Variants in MAST2 observed in about 807,000 individuals in gnomAD.
MAST2 encodes microtubule associated serine/threonine kinase 2.
MAST2 carries 70 observed loss-of-function variants against 147.4 expected under a neutral mutation model. That is an observed-to-expected ratio of 0.47 (90% CI 0.39 to 0.58). The LOEUF (loss-of-function observed/expected upper bound fraction) is 0.58, where lower values mean the gene tolerates loss of function less well. MAST2 is among the 20% of genes least tolerant of loss of function. The pLI is 0.00. For synonymous variants in MAST2, 869 were observed against 896.8 expected, an observed-to-expected ratio of 0.97 and a Z score of 0.55; for missense variants, 2,080 against 2,302.3, an observed-to-expected ratio of 0.90 and a Z score of 1.98.
At chr1:45,989,059 A>G (rs1644759773) in intron 5 of MAST2, among the ~76,000 whole-genome samples, 2 of 152,316 alleles carry the variant, frequency 1.3e-5, no homozygotes, top group East Asian at 3.9e-4. Context: ...CTGATTGACC[A>G]AAGACATATA....
chr1:45,821,518 T>C (rs4130796), intron 1 of MAST2, among the ~76,000 whole-genome samples: 15 of 46,642 alleles, frequency 3.2e-4, no homozygotes, highest in East Asian at 1.0e-3. Flanking sequence ...ATTTCTTCTT[T>C]TTTTTTTTTT....
chr1:45,946,640 C>T (rs1658074214), intron 4 of MAST2, among the ~76,000 whole-genome samples: 1 of 152,138 alleles, frequency 6.6e-6, no homozygotes, highest in Non-Finnish European at 1.5e-5. Context: ...CTGAATTATG[C>T]TTCCTTTGCA....
chr1:45,905,382 T>G (rs1011507704), intron 4 of MAST2, among the ~76,000 whole-genome samples: 5 of 152,078 alleles, frequency 3.3e-5, no homozygotes, highest in South Asian at 2.1e-4. Flanking sequence ...AGACTGGATT[T>G]CACCATGTTT....
At chr1:45,972,839 C>G (rs946139828) in intron 5 of MAST2, among the ~76,000 whole-genome samples, 1 of 152,146 alleles carries the variant, frequency 6.6e-6, no homozygotes, top group African/African-American at 2.4e-5. Context: ...ATTCTTTCTT[C>G]TTCCTGTTCT....
intron 7 of MAST2, among the ~76,000 whole-genome samples, chr1:46,003,764 GC>G: frequency 6.6e-6 from 1 of 152,176 alleles, no homozygotes; most frequent in Non-Finnish European, 1.5e-5. Flanking sequence ...GCCACACCCA[GC>G]CGAGCAACTT....
intron 1 of MAST2, among the ~76,000 whole-genome samples, chr1:45,808,487 G>A (rs930959269): frequency 6.6e-6 from 1 of 152,130 alleles, no homozygotes. Context: ...AGGATTACAG[G>A]CGTGAGCCAC....
intron 4 of MAST2, among the ~76,000 whole-genome samples, chr1:45,947,306 TAAAAAAAAA>T (rs55827908): frequency 8.9e-6 from 1 of 112,670 alleles, no homozygotes; most frequent in Non-Finnish European, 1.8e-5. Context: ...TGATGAGCTT[TAAAAAAAAA>T]AAAAAAAAAA....
rs760599507 is a variant in MAST2, at chr1:46,035,224, C to T, written c.4555C>T (p.Gln1519Ter). Residue 1519 changes from glutamine to a stop codon, truncating the protein, a stop_gained, in exon 29 of 29, where the codon CAG becomes TAG. Coordinates refer to ENST00000361297, the MANE Select transcript of MAST2 (RefSeq NM_015112.3). LOFTEE classifies it low-confidence loss of function (END_TRUNC). The surrounding 1 kb of genome is among the most constrained non-coding windows in gnomAD (Gnocchi z 5.5). ...AGGGCCTGAGAACAGCCAGGGTGCACAGGAGCTGAGCTTGGCACCTCACCC... is the reference window on the plus strand; with the variant it reads ...AGGGCCTGAGAACAGCCAGGGTGCATAGGAGCTGAGCTTGGCACCTCACCC... ...EEGPENSQGA[Q>*]ELSLAPHPEV... 6 of 1,614,036 alleles carry T rather than the reference C, an allele frequency of 3.7e-6. No individual in the cohort carries two copies. Among genetic ancestry groups the T allele is most frequent in the South Asian group, 1.1e-5 (1 of 91,072 alleles).
In MAST2 at chr1:46,030,626, G is replaced by A. The variant is rs199702861; in HGVS notation, c.2573G>A (p.Arg858Gln). ...RFNKVYSSME[R>Q]LSLLEERRTP... ...CCACAGGTGTACAGCAGCATGGAGC[G>A]GCTCTCACTGCTCGAGGAGCGCCGG... Residue 858 changes from arginine to glutamine, a missense_variant, in exon 22 of 29, where the codon CGG becomes CAG. Arg to Gln is a conservative substitution (Grantham distance 43). Transcript: ENST00000361297. 256 of 1,610,674 alleles carry A rather than the reference G, an allele frequency of 1.6e-4. No individual in the cohort carries two copies. Among genetic ancestry groups the A allele is most frequent in the South Asian group, 2.1e-4 (19 of 90,370 alleles).
At chr1:45,870,673 G>T (rs1213703657) in intron 3 of MAST2, among the ~76,000 whole-genome samples, 1 of 151,632 alleles carries the variant, frequency 6.6e-6, no homozygotes, top group East Asian at 1.9e-4. Flanking sequence ...TATAATCCCA[G>T]CACTTTGAGA....
intron 16 of MAST2, 100 bp from the exon 17 acceptor site, chr1:46,027,631 C>A: frequency 7.8e-7 from 1 of 1,278,952 alleles, no homozygotes; most frequent in Non-Finnish European, 1.1e-6. Flanking sequence ...TCTCACAGTA[C>A]CCCCATGGAA....
At chr1:45,890,986 G>A (rs1311826912) in intron 4 of MAST2, among the ~76,000 whole-genome samples, 1 of 151,840 alleles carries the variant, frequency 6.6e-6, no homozygotes, top group Non-Finnish European at 1.5e-5. Flanking sequence ...ATAAGCACAT[G>A]TTAAATATTT....
In MAST2 at chr1:46,035,757, C is replaced by A. The variant is rs1646879660; in HGVS notation, c.5088C>A (p.Asn1696Lys). ...LENTTPAQPK[N>K]LSPREQGKTQ... ...ACACAACTCCAGCCCAGCCTAAGAA[C>A]CTGTCTCCCAGGGAGCAGGGGAAGA... The change falls in exon 29 of 29, where the codon AAC (asparagine) becomes AAA (lysine). Residue 1696 changes from asparagine (N) to lysine (K), a missense_variant. Transcript: ENST00000361297. The surrounding 1 kb of genome is among the most constrained non-coding windows in gnomAD (Gnocchi z 5.5). The A allele has an allele frequency of 6.2e-7, 1 of 1,614,090 alleles. No homozygotes were observed. Among genetic ancestry groups the A allele is most frequent in the Non-Finnish European group, 8.5e-7 (1 of 1,180,026 alleles).
At chr1:45,842,537 T>C (rs1244811716) in intron 3 of MAST2, among the ~76,000 whole-genome samples, 1 of 152,214 alleles carries the variant, frequency 6.6e-6, no homozygotes, top group African/African-American at 2.4e-5. Context: ...ATATTTTATA[T>C]AAATAATATT....
chr1:46,034,410 T>C, intron 28 of MAST2, 128 bp from the exon 29 acceptor site: 1 of 1,329,870 alleles, frequency 7.5e-7, no homozygotes, highest in South Asian at 1.5e-5. Context: ...GAGGAATTAA[T>C]TGATGGGGAA....
intron 3 of MAST2, among the ~76,000 whole-genome samples, chr1:45,847,819 G>A (rs1029487680): frequency 1.3e-5 from 2 of 152,126 alleles, no homozygotes. Flanking sequence ...TTCCCAAAGG[G>A]TGTGAGCCAC....
intron 3 of MAST2, among the ~76,000 whole-genome samples, chr1:45,834,210 A>G (rs1179233239): frequency 2.0e-5 from 3 of 152,194 alleles, no homozygotes; most frequent in Admixed American, 6.5e-5. Context: ...ATAATAAAAC[A>G]TCACATTTAA....
intron 1 of MAST2, among the ~76,000 whole-genome samples, chr1:45,817,676 A>G (rs1369934419): frequency 6.6e-6 from 1 of 152,208 alleles, no homozygotes; most frequent in Non-Finnish European, 1.5e-5. Context: ...AGAAAAACAC[A>G]GAATACTATA....
At chr1:46,027,635 C>T (rs1646469407) in intron 16 of MAST2, 96 bp from the exon 17 acceptor site, 1 of 1,338,150 alleles carries the variant, frequency 7.5e-7, no homozygotes, top group Non-Finnish European at 1.0e-6. Flanking sequence ...ACAGTACCCC[C>T]ATGGAAGCCT....
Sources: allele counts gnomAD v4.1 joint callset (sites outside exome capture counted in the v4.1 genomes callset), GRCh38; gene constraint gnomAD v4.1.1; non-coding constraint Gnocchi (gnomAD v3.1); transcripts MANE v1.5; gene names NCBI Gene and HGNC (gene_info 2026-07-23, HGNC 2026-07-21).